The following CCBE1 variants were observed in gnomAD, a reference collection of about 807,000 sequenced individuals.
CCBE1 encodes the protein collagen and calcium binding EGF domains 1, also known as collagen and calcium-binding EGF domain-containing protein 1.
In CCBE1, 37 loss-of-function variants were observed where a neutral mutation model predicts 50.0. The observed-to-expected ratio is 0.74, with a 90% CI of 0.57 to 0.97. The LOEUF (loss-of-function observed/expected upper bound fraction) is 0.97, where lower values mean the gene tolerates loss of function less well. Among genes scored for constraint, CCBE1 ranks in the 50% least tolerant of loss-of-function variants. The pLI is 0.00. For synonymous variants in CCBE1, 234 were observed against 203.7 expected, an observed-to-expected ratio of 1.15 and a Z score of -1.27; for missense variants, 538 against 523.8, an observed-to-expected ratio of 1.03 and a Z score of -0.26.
chr18:59,543,263 A>T (rs1915539839), intron 2 of CCBE1, among the ~76,000 whole-genome samples: 1 of 152,220 alleles, frequency 6.6e-6, no homozygotes, highest in South Asian at 2.1e-4. Flanking sequence ...ACCTGAAGAA[A>T]TCCTGCTAAC....
chr18:59,590,506 A>T (rs1435944922), intron 2 of CCBE1, among the ~76,000 whole-genome samples: 3 of 152,156 alleles, frequency 2.0e-5, no homozygotes, highest in African/African-American at 7.2e-5. Flanking sequence ...TTTTTTATGG[A>T]GCTAGGCATG....
intron 2 of CCBE1, among the ~76,000 whole-genome samples, chr18:59,634,655 A>G (rs1354534560): frequency 1.3e-5 from 2 of 152,266 alleles, no homozygotes; most frequent in East Asian, 3.8e-4. Flanking sequence ...CTTCAAATGC[A>G]TAGTATAAAA....
chr18:59,578,794 G>A lies in CCBE1; in HGVS notation c.213-98556C>T, dbSNP rs529028667. ...AGGGGAGTATCACACACCAGGGCCC[G>A]TCAGGGCTGGGGGTGGCTAGGGGAG... On this transcript the variant is annotated intron_variant, in intron 2 of 10. Transcript: ENST00000439986. Among the ~76,000 whole-genome samples the A allele has an allele frequency of 1.7e-4, 26 of 152,282 alleles. 1 individual carries two copies. Among genetic ancestry groups the A allele is most frequent in the South Asian group, 1.0e-3 (5 of 4,824 alleles).
intron 2 of CCBE1, among the ~76,000 whole-genome samples, chr18:59,595,224 CTTTT>C (rs34017366): frequency 7.1e-6 from 1 of 140,616 alleles, no homozygotes; most frequent in African/African-American, 2.6e-5. Flanking sequence ...CTGTTTTTTG[CTTTT>C]TTTTTTTTTT....
chr18:59,640,864 A>C (rs1159758072), intron 2 of CCBE1, among the ~76,000 whole-genome samples: 1 of 152,216 alleles, frequency 6.6e-6, no homozygotes, highest in Non-Finnish European at 1.5e-5. Flanking sequence ...AGACTGATGC[A>C]TGGCCAAGAA....
intron 2 of CCBE1, among the ~76,000 whole-genome samples, chr18:59,693,352 G>T (rs2054762022): frequency 6.6e-6 from 1 of 152,114 alleles, no homozygotes; most frequent in Admixed American, 6.5e-5. Context: ...AGCTTTCATG[G>T]TCCCCCTTTT....
At chr18:59,674,241 A>G (rs1388458579) in intron 2 of CCBE1, among the ~76,000 whole-genome samples, 4 of 152,238 alleles carry the variant, frequency 2.6e-5, no homozygotes, top group African/African-American at 9.6e-5. Flanking sequence ...CCCATCAATG[A>G]CAGACTGGAT....
chr18:59,502,585 G>A (rs1347186193), intron 2 of CCBE1, among the ~76,000 whole-genome samples: 2 of 152,146 alleles, frequency 1.3e-5, no homozygotes, highest in Non-Finnish European at 2.9e-5. Context: ...GTGAGCCAGA[G>A]GGCAGCATTA....
intron 2 of CCBE1, among the ~76,000 whole-genome samples, chr18:59,546,690 A>G (rs1013166531): frequency 1.3e-5 from 2 of 152,186 alleles, no homozygotes; most frequent in Non-Finnish European, 2.9e-5. Context: ...CCCTTCCCAC[A>G]TTATATCTGG....
intron 2 of CCBE1, among the ~76,000 whole-genome samples, chr18:59,678,426 G>A (rs2054538892): frequency 6.6e-6 from 1 of 152,212 alleles, no homozygotes; most frequent in Admixed American, 6.5e-5. Flanking sequence ...CTCTGAATAG[G>A]TAAAATGTTG....
chr18:59,680,428 C>T (rs1309695206), intron 2 of CCBE1, among the ~76,000 whole-genome samples: 2 of 151,680 alleles, frequency 1.3e-5, no homozygotes, highest in African/African-American at 2.4e-5. Context: ...AGGCCAGGCG[C>T]GGTGGTTTGC....
In CCBE1 at chr18:59,439,743, G is replaced by A; in HGVS notation, c.849C>T (p.Gly283=). ...GAGATGGTCCCATGGGTCCCATTGAGCCCCGTGGGCCGGGCTGCCCAGGAG... is the reference window on the plus strand; with the variant it reads ...GAGATGGTCCCATGGGTCCCATTGAACCCCGTGGGCCGGGCTGCCCAGGAG... ...PGPPGQPGPR[G]SMGPMGPSPD... The change falls in exon 8 of 11, where the codon GGC becomes GGT. Residue 283 remains glycine (G), a synonymous_variant. Transcript: ENST00000439986. 7.4e-6 allele frequency: 12 copies of A among 1,614,224 alleles called. No individual in the cohort carries two copies. Among genetic ancestry groups the A allele is most frequent in the Non-Finnish European group, 1.0e-5 (12 of 1,180,028 alleles).
intron 2 of CCBE1, among the ~76,000 whole-genome samples, chr18:59,620,966 C>G (rs1205117219): frequency 6.6e-6 from 1 of 152,166 alleles, no homozygotes; most frequent in East Asian, 1.9e-4. Flanking sequence ...AAGGAAACCA[C>G]AAAGGGTAAG....
At chr18:59,606,942 G>T (rs911050145) in intron 2 of CCBE1, among the ~76,000 whole-genome samples, 7 of 151,994 alleles carry the variant, frequency 4.6e-5, no homozygotes, top group East Asian at 3.9e-4. Flanking sequence ...AGTCGGACAT[G>T]AGTCTGTTTC....
intron 2 of CCBE1, among the ~76,000 whole-genome samples, chr18:59,670,359 GGTGGGAGA>G (rs2054415332): frequency 6.6e-6 from 1 of 152,138 alleles, no homozygotes; most frequent in Admixed American, 6.6e-5. Flanking sequence ...TCCTCTTCAA[GGTGGGAGA>G]AGGAATAAGA....
chr18:59,584,816 T>C (rs901605287), intron 2 of CCBE1, among the ~76,000 whole-genome samples: 11 of 152,184 alleles, frequency 7.2e-5, no homozygotes, highest in African/African-American at 2.4e-4. Context: ...TAAACCTCTT[T>C]TCTTTATAAA....
At chr18:59,633,030 C>T (rs1025403344) in intron 2 of CCBE1, among the ~76,000 whole-genome samples, 1 of 152,176 alleles carries the variant, frequency 6.6e-6, no homozygotes, top group Non-Finnish European at 1.5e-5. Flanking sequence ...GCATTCCATG[C>T]TTAAGTGATT....
In CCBE1 at chr18:59,464,322, G is replaced by A. The variant is rs141024557; in HGVS notation, c.553+2417C>T. On this transcript the variant is annotated intron_variant, in intron 5 of 10. Coordinates refer to ENST00000439986, the MANE Select transcript of CCBE1 (RefSeq NM_133459.4). ...AGGCACCTGTAATCCCAGATACTTGGGAGGCTGAGGCAGGAGAGCCCCTTG... is the reference window on the plus strand; with the variant it reads ...AGGCACCTGTAATCCCAGATACTTGAGAGGCTGAGGCAGGAGAGCCCCTTG... Among the ~76,000 whole-genome samples, 500 of 152,266 alleles carry A rather than the reference G, an allele frequency of 3.3e-3. 2 individuals carry two copies. Among genetic ancestry groups the A allele is most frequent in the Non-Finnish European group, 5.4e-3 (370 of 68,018 alleles).
intron 2 of CCBE1, among the ~76,000 whole-genome samples, chr18:59,523,069 T>C (rs12955138): frequency 0.13 from 19,620 of 150,222 alleles, 1,360 homozygotes; most frequent in Middle Eastern, 0.19. Flanking sequence ...AAACCTGCTG[T>C]ACTCCTGAAC....
Sources: gnomAD v4.1 joint callset for allele counts (sites outside exome capture counted in the v4.1 genomes callset) on GRCh38, gnomAD v4.1.1 for gene constraint, MANE v1.5 for transcripts, NCBI Gene and HGNC (gene_info 2026-07-23, HGNC 2026-07-21) for gene names.